GALNT17: variants seen among roughly 807,000 people sequenced by gnomAD.
The protein encoded by GALNT17 is UDP-GalNAc:polypeptide N-acetylgalactosaminyltransferase-like 3.
In GALNT17, 29 loss-of-function variants were observed where a neutral mutation model predicts 63.7. The observed-to-expected ratio is 0.46, with a 90% CI of 0.34 to 0.62. The LOEUF is 0.62. Among genes scored for constraint, GALNT17 ranks in the 20% least tolerant of loss-of-function variants. The pLI, the probability that GALNT17 is intolerant of heterozygous loss-of-function variation, is 0.01. For missense variants in GALNT17, 603 were observed against 799.6 expected (o/e 0.75, Z 2.97); for synonymous variants, 305 against 318.3 (o/e 0.96, Z 0.45).
At chr7:71,280,582 C>T (rs1790762673) in intron 1 of GALNT17, among the ~76,000 whole-genome samples, 1 of 152,134 alleles carries the variant, frequency 6.6e-6, no homozygotes, top group African/African-American at 2.4e-5. Context: ...TTTATTAGCG[C>T]TTATAACTGA....
chr7:71,392,149 T>C (rs1185385603), intron 3 of GALNT17, among the ~76,000 whole-genome samples: 3 of 152,158 alleles, frequency 2.0e-5, no homozygotes, highest in Non-Finnish European at 2.9e-5. Context: ...GTATCTTCAT[T>C]TAGTTTCCCC....
At chr7:71,291,169 C>A (rs1427936032) in intron 1 of GALNT17, among the ~76,000 whole-genome samples, 7 of 152,172 alleles carry the variant, frequency 4.6e-5, no homozygotes, top group Non-Finnish European at 8.8e-5. Flanking sequence ...ACTGAACTCC[C>A]AAATAGCCAA....
intron 2 of GALNT17, among the ~76,000 whole-genome samples, chr7:71,386,622 A>G (rs1184644298): frequency 6.6e-6 from 1 of 152,170 alleles, no homozygotes; most frequent in East Asian, 1.9e-4. Context: ...GCCGTGGAGA[A>G]GGCCAAAGCT....
At chr7:71,654,312 A>G (rs1403017888) in intron 6 of GALNT17, among the ~76,000 whole-genome samples, 1 of 152,208 alleles carries the variant, frequency 6.6e-6, no homozygotes, top group Non-Finnish European at 1.5e-5. Flanking sequence ...GGCATGAGCC[A>G]CTGCGCCCGG....
intron 1 of GALNT17, among the ~76,000 whole-genome samples, chr7:71,329,490 T>A (rs560216283): frequency 6.6e-6 from 1 of 152,220 alleles, no homozygotes; most frequent in Non-Finnish European, 1.5e-5. Context: ...CTCCTACTGC[T>A]ATTAAAAACT....
chr7:71,246,729 T>C (rs1346290475), intron 1 of GALNT17, among the ~76,000 whole-genome samples: 1 of 151,528 alleles, frequency 6.6e-6, no homozygotes, highest in Non-Finnish European at 1.5e-5. Flanking sequence ...CTTGGGAGGC[T>C]GAGGCAGGAG....
At chr7:71,373,157 A>T (rs929342) in intron 2 of GALNT17, among the ~76,000 whole-genome samples, 1 of 152,044 alleles carries the variant, frequency 6.6e-6, no homozygotes, top group Admixed American at 6.6e-5. Flanking sequence ...GGCTGGATTC[A>T]GTCAGGCTCT....
At chr7:71,278,026 G>T (rs1202424919) in intron 1 of GALNT17, among the ~76,000 whole-genome samples, 1 of 152,148 alleles carries the variant, frequency 6.6e-6, no homozygotes, top group Admixed American at 6.5e-5. Context: ...TACTTAAGAG[G>T]AGGTCAAGCT....
At chr7:71,369,968 C>G (rs1426210778) in intron 2 of GALNT17, among the ~76,000 whole-genome samples, 1 of 152,052 alleles carries the variant, frequency 6.6e-6, no homozygotes, top group Non-Finnish European at 1.5e-5. Context: ...TGATGCCATT[C>G]TGTCCTAGGG....
intron 5 of GALNT17, among the ~76,000 whole-genome samples, chr7:71,459,239 A>G (rs1017639850): frequency 3.3e-5 from 5 of 152,222 alleles, no homozygotes; most frequent in African/African-American, 7.2e-5. Context: ...CATAACATTT[A>G]TGGACAGAAA....
intron 1 of GALNT17, among the ~76,000 whole-genome samples, chr7:71,291,921 T>C (rs550478936): frequency 1.3e-4 from 20 of 152,314 alleles, no homozygotes; most frequent in Non-Finnish European, 2.2e-4. Flanking sequence ...ATTTTCCCCT[T>C]CCCAGTTCTT....
intron 5 of GALNT17, among the ~76,000 whole-genome samples, chr7:71,557,604 C>G (rs1789185604): frequency 6.6e-6 from 1 of 152,082 alleles, no homozygotes. Flanking sequence ...ACCAGCCTGG[C>G]CAACATGATG....
intron 6 of GALNT17, among the ~76,000 whole-genome samples, chr7:71,573,059 G>A (rs112112256): frequency 7.1e-4 from 108 of 151,358 alleles, no homozygotes; most frequent in African/African-American, 2.5e-3. Flanking sequence ...GCCCAGGCTG[G>A]GTGCAGTGGT....
At chr7:71,255,112 T>G (rs1196614624) in intron 1 of GALNT17, among the ~76,000 whole-genome samples, 2 of 152,174 alleles carry the variant, frequency 1.3e-5, no homozygotes, top group Non-Finnish European at 2.9e-5. Flanking sequence ...CAACAAAATA[T>G]TCAATGATCC....
intron 1 of GALNT17, among the ~76,000 whole-genome samples, chr7:71,257,739 C>G (rs1790314052): frequency 6.6e-6 from 1 of 152,192 alleles, no homozygotes; most frequent in Non-Finnish European, 1.5e-5. Context: ...CAGAACGAAC[C>G]AACAGGTGAT....
chr7:71,444,996 G>T (rs1357642524), intron 5 of GALNT17, among the ~76,000 whole-genome samples: 5 of 152,060 alleles, frequency 3.3e-5, no homozygotes, highest in African/African-American at 7.2e-5. Context: ...GGTGTCTCTG[G>T]AGGGAAAGTG....
chr7:71,378,032 T>C (rs1792777723), intron 2 of GALNT17, among the ~76,000 whole-genome samples: 1 of 152,178 alleles, frequency 6.6e-6, no homozygotes. Context: ...CTAGGAGTTT[T>C]GCTGGGGCTC....
chr7:71,252,418 G>A lies in GALNT17; in HGVS notation c.239-83132G>A, dbSNP rs1377007713. On this transcript the variant is annotated intron_variant, in intron 1 of 10. Transcript: ENST00000333538. The stretch of plus-strand genomic sequence containing the variant: ...CACGTGCCTGTAGTCCCAGCTACTC[G>A]GGAGGCTGAGGCAGGAGAATCTCTT... 5.9e-5 allele frequency among the ~76,000 whole-genome samples: 9 copies of A among 152,156 alleles called. No homozygotes were observed. The East Asian group carries it at 7.8e-4, about 13-fold the overall frequency.
At chr7:71,344,993 A>G (rs1368649565) in intron 2 of GALNT17, among the ~76,000 whole-genome samples, 1 of 150,488 alleles carries the variant, frequency 6.6e-6, no homozygotes, top group African/African-American at 2.4e-5. Context: ...GGCGTTTCCC[A>G]AAGTATTGGT....
Sources: allele counts gnomAD v4.1 joint callset (sites outside exome capture counted in the v4.1 genomes callset), GRCh38; gene constraint gnomAD v4.1.1; transcripts MANE v1.5; gene names NCBI Gene and HGNC (gene_info 2026-07-23, HGNC 2026-07-21).